Variants in RBFOX1 observed in about 807,000 individuals in gnomAD.
RBFOX1 encodes the protein RNA binding protein fox-1 homolog 1.
A neutral mutation model predicts 57.7 loss-of-function variants in RBFOX1; 8 were observed. The ratio of observed to expected loss-of-function variants is 0.14; its 90% CI spans 0.08 to 0.25. The LOEUF is 0.25. RBFOX1 is among the 10% of genes least tolerant of loss of function. The probability of loss-of-function intolerance (pLI) is 1.00; values close to 1 mark genes in which losing one functional copy is unlikely to be tolerated. For missense variants in RBFOX1, 611 were observed against 548.5 expected (o/e 1.11, Z -1.14); for synonymous variants, 326 against 222.4 (o/e 1.47, Z -4.15).
At chr16:6,026,042 C>T (rs2095186905) in intron 1 of RBFOX1, among the ~76,000 whole-genome samples, 2 of 152,170 alleles carry the variant, frequency 1.3e-5, no homozygotes, top group African/African-American at 2.4e-5. Context: ...AGCAGTTCAC[C>T]TTATTCGATT....
intron 1 of RBFOX1, among the ~76,000 whole-genome samples, chr16:5,454,854 TTTTC>T (rs200680272): frequency 0.12 from 7,762 of 67,182 alleles, 515 homozygotes; most frequent in East Asian, 0.15. Flanking sequence ...TCTTTCTTTC[TTTTC>T]TTTCTTTCTT....
chr16:7,221,477 C>T (rs1410929553), intron 4 of RBFOX1, among the ~76,000 whole-genome samples: 2 of 152,034 alleles, frequency 1.3e-5, no homozygotes, highest in Non-Finnish European at 2.9e-5. Context: ...GGCGATTCTC[C>T]TGCCTCAGCT....
chr16:5,655,166 G>A (rs988291299), intron 3 of RBFOX1, among the ~76,000 whole-genome samples: 1 of 152,202 alleles, frequency 6.6e-6, no homozygotes, highest in Non-Finnish European at 1.5e-5. Flanking sequence ...CTGGAATTTA[G>A]CCCCGACGAG....
Position 6,612,180 on chromosome 16 carries a change from G to C in RBFOX1, c.-63-42423G>C, listed in dbSNP as rs959977126. On this transcript the variant is annotated intron_variant, in intron 2 of 15. Transcript: ENST00000550418. Reference sequence around the variant, plus strand: ...TATTTTCTGTTTGTTTAATTATTTTGAAGGAATTTTAGACTCAGGGTAAGT... The same window carrying C: ...TATTTTCTGTTTGTTTAATTATTTTCAAGGAATTTTAGACTCAGGGTAAGT... Among the ~76,000 whole-genome samples the C allele has an allele frequency of 6.6e-5, 10 of 152,142 alleles. No homozygotes were observed. In the South Asian group the frequency reaches 1.2e-3, roughly 19 times the overall value.
chr16:7,427,033 G>A (rs972339800), intron 4 of RBFOX1, among the ~76,000 whole-genome samples: 5 of 152,144 alleles, frequency 3.3e-5, no homozygotes, highest in East Asian at 1.9e-4. Context: ...CAAACACTGC[G>A]TGTTCTCACT....
intron 4 of RBFOX1, among the ~76,000 whole-genome samples, chr16:7,256,315 G>A (rs545979600): frequency 3.0e-4 from 45 of 152,260 alleles, no homozygotes; most frequent in African/African-American, 8.9e-4. Context: ...CACAGTCAGC[G>A]AGCAGATCTC....
intron 4 of RBFOX1, among the ~76,000 whole-genome samples, chr16:7,166,288 A>G (rs911038826): frequency 6.6e-6 from 1 of 152,040 alleles, no homozygotes; most frequent in African/African-American, 2.4e-5. Flanking sequence ...TGCTGGGATT[A>G]TAGGCGTGAA....
chr16:5,819,221 T>G (rs1161627841), intron 3 of RBFOX1, among the ~76,000 whole-genome samples: 2 of 152,172 alleles, frequency 1.3e-5, no homozygotes, highest in Non-Finnish European at 2.9e-5. Flanking sequence ...ACTTCCTAGA[T>G]GGCCGTCTTT....
chr16:6,510,719 C>G (rs145479030), intron 2 of RBFOX1, among the ~76,000 whole-genome samples: 4 of 152,220 alleles, frequency 2.6e-5, no homozygotes, highest in Admixed American at 1.3e-4. Flanking sequence ...GGCTCCAAAT[C>G]TGGGCACAGA....
At chr16:5,631,755 G>A (rs1399652104) in intron 3 of RBFOX1, among the ~76,000 whole-genome samples, 1 of 152,070 alleles carries the variant, frequency 6.6e-6, no homozygotes, top group Non-Finnish European at 1.5e-5. Flanking sequence ...TGCTTACTGA[G>A]TATTTATTCA....
At chr16:7,142,625 G>A (rs1196111492) in intron 4 of RBFOX1, among the ~76,000 whole-genome samples, 2 of 152,072 alleles carry the variant, frequency 1.3e-5, no homozygotes, top group African/African-American at 4.8e-5. Context: ...CTTCTGGACT[G>A]TCAATCAGAG....
chr16:6,212,593 G>A (rs1232965071), intron 1 of RBFOX1, among the ~76,000 whole-genome samples: 1 of 152,086 alleles, frequency 6.6e-6, no homozygotes, highest in Non-Finnish European at 1.5e-5. Flanking sequence ...TGTAGTCCCA[G>A]CTACTTGGGA....
chr16:6,069,184 A>C (rs1465246499), intron 1 of RBFOX1, among the ~76,000 whole-genome samples: 1 of 152,038 alleles, frequency 6.6e-6, no homozygotes, highest in African/African-American at 2.4e-5. Context: ...GGATCACCTG[A>C]GGTCGGGAGT....
intron 2 of RBFOX1, among the ~76,000 whole-genome samples, chr16:6,626,534 C>T (rs1420074): frequency 0.011 from 1,710 of 152,170 alleles, 18 homozygotes; most frequent in Middle Eastern, 0.017. Context: ...CCGAGGCAGG[C>T]GGATCACCTG....
At chr16:7,477,536 A>G (rs753684151) in intron 4 of RBFOX1, among the ~76,000 whole-genome samples, 3 of 152,114 alleles carry the variant, frequency 2.0e-5, no homozygotes, top group African/African-American at 7.2e-5. Flanking sequence ...TGACTCCCCA[A>G]AGAGAAAATG....
intron 2 of RBFOX1, among the ~76,000 whole-genome samples, chr16:6,620,953 G>C (rs1435968177): frequency 6.6e-6 from 1 of 152,206 alleles, no homozygotes; most frequent in African/African-American, 2.4e-5. Context: ...CTCACAATTT[G>C]AGAAGGCAGA....
chr16:6,729,018 T>C (rs1031441998), intron 3 of RBFOX1, among the ~76,000 whole-genome samples: 3 of 152,138 alleles, frequency 2.0e-5, no homozygotes, highest in South Asian at 2.1e-4. Flanking sequence ...CAACAAATCA[T>C]ACGGGGATAA....
chr16:6,632,006 A>G (rs895449337), intron 2 of RBFOX1, among the ~76,000 whole-genome samples: 1 of 152,156 alleles, frequency 6.6e-6, no homozygotes. Context: ...AGGGTTTCAA[A>G]TAGAGAAATC....
At position 6,508,795 on chromosome 16, in the gene RBFOX1, C is replaced by T. The variant is rs528975923; in HGVS notation, c.-63-145808C>T. On this transcript the variant is annotated intron_variant, in intron 2 of 15. Transcript: ENST00000550418. ...TATTAAATTTAGAGAAGAAATTTGC[C>T]ATTTATATTAGGTTGATACAAAAGT... Among the ~76,000 whole-genome samples, 31 of 151,528 alleles carry T rather than the reference C, an allele frequency of 2.0e-4. 1 individual carries two copies. The highest frequency in any genetic ancestry group is 6.8e-4 in the African/African-American group (28 of 41,316).
Sources: gnomAD v4.1 joint callset for allele counts (sites outside exome capture counted in the v4.1 genomes callset) on GRCh38, gnomAD v4.1.1 for gene constraint, MANE v1.5 for transcripts, NCBI Gene and HGNC (gene_info 2026-07-23, HGNC 2026-07-21) for gene names.